Variants in MGAM observed in about 807,000 individuals in gnomAD.
The protein encoded by MGAM is maltase-glucoamylase, also known as alpha-1,4-glucosidase.
A neutral mutation model predicts 358.8 loss-of-function variants in MGAM; 253 were observed. The observed-to-expected ratio is 0.71, with a 90% CI of 0.64 to 0.78. The LOEUF (loss-of-function observed/expected upper bound fraction) is 0.78, where lower values mean the gene tolerates loss of function less well. Ranked by LOEUF, MGAM falls within the 30% of genes least tolerant of loss-of-function variation. The pLI is 0.00. For synonymous variants in MGAM, 1,105 were observed against 1,227.1 expected (o/e 0.90, Z 2.08); for missense variants, 3,080 against 3,432.6 (o/e 0.90, Z 2.57).
At chr7:142,065,515 G>T in intron 38 of MGAM, 47 bp downstream of exon 38, 1 of 1,613,954 alleles carries the variant, frequency 6.2e-7, no homozygotes, top group Non-Finnish European at 8.5e-7. Flanking sequence ...GCAGGGAGTT[G>T]GGATCCTTAG....
At chr7:142,037,977 A>C (rs1386637023) in intron 18 of MGAM, among the ~76,000 whole-genome samples, 1 of 152,150 alleles carries the variant, frequency 6.6e-6, no homozygotes, top group Non-Finnish European at 1.5e-5. Context: ...TTTTGCTATC[A>C]AAAGGTAGGT....
chr7:142,096,275 A>T, intron 64 of MGAM, 56 bp from the exon 65 acceptor site: 3 of 1,424,520 alleles, frequency 2.1e-6, no homozygotes, highest in Admixed American at 1.8e-5. Flanking sequence ...GCTTCTTCAG[A>T]GTGTCGGGCT....
In MGAM at chr7:142,074,214, G is replaced by A. The variant is rs532644216; in HGVS notation, c.5275+41G>A. ...ATAATGTTGCTGTTTCCCAACCTGC[G>A]CCTGTGACTTATGGTCCTTCACTCC... is the stretch of plus-strand genomic sequence containing the variant. On this transcript the variant is annotated intron_variant, in intron 45 of 70. Transcript: ENST00000475668. 28 of 1,331,470 alleles carry A rather than the reference G, an allele frequency of 2.1e-5. 3 individuals are homozygous for A. Among genetic ancestry groups the A allele is most frequent in the Middle Eastern group, 1.8e-4 (1 of 5,554 alleles). 82.5% of individuals were successfully genotyped at this position (1,331,470 alleles called of 1,614,324 possible).
rs537318037 is a variant in MGAM, at chr7:142,102,494, A to G, written c.7964-136A>G. 5.9e-4 allele frequency: 481 copies of G among 821,018 alleles called. 2 individuals are homozygous for G. The highest frequency in any genetic ancestry group is 2.6e-3 in the Middle Eastern group (9 of 3,456). 50.9% of individuals were successfully genotyped at this position (821,018 alleles called of 1,614,324 possible). A position where few individuals can be genotyped will look rare whatever the true frequency, so the allele number is the denominator to read the frequency against. ...CATTTTAAAATAGAACACTCAAAAG[A>G]CAGAAATAAAAACAAAGATAAGCCT... On this transcript the variant is annotated intron_variant, in intron 68 of 70. Coordinates refer to ENST00000475668, the MANE Select transcript of MGAM (RefSeq NM_001365693.1).
At chr7:142,074,738 G>T (rs1481405429) in intron 45 of MGAM, among the ~76,000 whole-genome samples, 1 of 146,344 alleles carries the variant, frequency 6.8e-6, no homozygotes, top group African/African-American at 2.4e-5. Flanking sequence ...ACAATGGCTT[G>T]GCCTTGGAGA....
At chr7:142,073,497 A>C (rs1436157819) in intron 44 of MGAM, among the ~76,000 whole-genome samples, 1 of 145,952 alleles carries the variant, frequency 6.9e-6, no homozygotes, top group East Asian at 2.0e-4. Flanking sequence ...ATGTCCATCT[A>C]CTCTACCATG....
At position 142,040,752 on chromosome 7, in the gene MGAM, G is replaced by A; in HGVS notation, c.2404G>A (p.Val802Ile). The A allele has an allele frequency of 6.2e-7, 1 of 1,613,288 alleles. No homozygotes were observed. The highest frequency in any genetic ancestry group is 8.5e-7 in the Non-Finnish European group (1 of 1,179,518). The change falls in exon 21 of 71, where the codon GTC becomes ATC. Residue 802 changes from valine (V) to isoleucine (I), a missense_variant. Val to Ile is a conservative substitution (Grantham distance 29). Transcript: ENST00000475668. ...GSQVRWRKQK[V>I]EMELPGDKIG... ...CCAAGTGAGATGGAGGAAGCAAAAA[G>A]TCGAGATGGAACTTCCTGGAGACAA...
rs776610458 is a variant in MGAM, at chr7:142,094,881, A to G, written c.7458+18A>G. The stretch of plus-strand genomic sequence containing the variant: ...GGACCAGGGTAGGACAGTGGCCCCT[A>G]CCTCCAGTGTTTCACTTGAAACACA... On this transcript the variant is annotated intron_variant, in intron 63 of 70. Transcript: ENST00000475668. 2 of 1,610,204 alleles carry G rather than the reference A, an allele frequency of 1.2e-6. No homozygotes were observed. Among genetic ancestry groups the G allele is most frequent in the Non-Finnish European group, 1.7e-6 (2 of 1,177,102 alleles).
Position 142,082,583 on chromosome 7 carries a change from C to T in MGAM, c.6268+12C>T, listed in dbSNP as rs771661924. 3.4e-6 allele frequency: 5 copies of T among 1,483,218 alleles called. No homozygotes were observed. The highest frequency in any genetic ancestry group is 1.4e-5 in the African/African-American group (1 of 73,544). The allele number at this position is 1,483,218 out of a possible 1,614,324, so 91.9% of individuals were successfully genotyped here. ...CAGCAATGCCATGGGTAAGGCCATC[C>T]AGCGCCTCCCTTATTTTGGGGGGAT... On this transcript the variant is annotated intron_variant, in intron 52 of 70. Transcript: ENST00000475668.
At chr7:142,040,925 C>T (rs1167026682) in intron 21 of MGAM, 79 bp downstream of exon 21, 7 of 1,491,066 alleles carry the variant, frequency 4.7e-6, no homozygotes, top group Non-Finnish European at 6.3e-6. Context: ...AACACACTAA[C>T]AGCCAGGTGG....
chr7:142,053,353 A>G (rs6955265), intron 26 of MGAM, among the ~76,000 whole-genome samples: 56,840 of 151,670 alleles, frequency 0.37, 11,121 homozygotes, highest in Admixed American at 0.43. Flanking sequence ...TCTAGTGCTC[A>G]ATTGCAAGCA....
chr7:141,996,144 C>A (rs1456308582), intron 1 of MGAM, among the ~76,000 whole-genome samples: 1 of 151,656 alleles, frequency 6.6e-6, no homozygotes, highest in Non-Finnish European at 1.5e-5. Flanking sequence ...TAAAAAAATA[C>A]AAAAAATTAG....
chr7:142,058,376 C>T, intron 31 of MGAM, 48 bp downstream of exon 31: 1 of 1,610,334 alleles, frequency 6.2e-7, no homozygotes, highest in Non-Finnish European at 8.5e-7. Flanking sequence ...ACCCAGGTGC[C>T]TCTGTGTCTG....
chr7:142,044,884 A>T (rs1415610033), intron 21 of MGAM, among the ~76,000 whole-genome samples: 1 of 68,366 alleles, frequency 1.5e-5, no homozygotes, highest in Non-Finnish European at 2.8e-5. Flanking sequence ...TATATTACAT[A>T]CACGTGTAAT....
intron 21 of MGAM, among the ~76,000 whole-genome samples, chr7:142,042,530 T>TA (rs1446995498): frequency 5.3e-4 from 1 of 1,900 alleles, no homozygotes; most frequent in South Asian, 9.6e-3. Flanking sequence ...ATACATATTA[T>TA]ATATATAATA....
At chr7:141,991,300 G>A (rs1459471448), upstream of MGAM, among the ~76,000 whole-genome samples, 1 of 152,190 alleles carries the variant, frequency 6.6e-6, no homozygotes, top group Non-Finnish European at 1.5e-5. Context: ...TATATTGATG[G>A]AATTGTGTGG....
chr7:142,061,720 G>A (rs1812223830), intron 34 of MGAM, among the ~76,000 whole-genome samples: 1 of 152,148 alleles, frequency 6.6e-6, no homozygotes, highest in Non-Finnish European at 1.5e-5. Flanking sequence ...ACAAAGGACT[G>A]TAATGTTCTA....
In MGAM at chr7:142,054,182, C is replaced by T. The variant is rs1811273540; in HGVS notation, c.3160-572C>T. On this transcript the variant is annotated intron_variant, in intron 26 of 70. Coordinates refer to ENST00000475668, the MANE Select transcript of MGAM (RefSeq NM_001365693.1). ...TCACAGCACTTCTACATAGCTCTCC[C>T]TTAGCACACATCACCCACGTGTTGT... Among the ~76,000 whole-genome samples, 11 of 152,358 alleles carry T rather than the reference C, an allele frequency of 7.2e-5. No individual in the cohort carries two copies. The South Asian group carries it at 2.3e-3, about 32-fold the overall frequency.
At chr7:142,095,876 C>G in intron 64 of MGAM, 163 bp downstream of exon 64, 1 of 1,078,152 alleles carries the variant, frequency 9.3e-7, no homozygotes, top group South Asian at 1.6e-5. Context: ...CTATACATGC[C>G]TTAGGTCATT....
Sources: gnomAD v4.1 joint callset for allele counts (sites outside exome capture counted in the v4.1 genomes callset) on GRCh38, gnomAD v4.1.1 for gene constraint, MANE v1.5 for transcripts, NCBI Gene and HGNC (gene_info 2026-07-23, HGNC 2026-07-21) for gene names.